The following TBC1D19 variants were observed in gnomAD, a reference collection of about 807,000 sequenced individuals.
TBC1D19 encodes TBC1 domain family member 19, also known as TBC1 domain family, member 19.
Under a neutral mutation model 89.0 loss-of-function variants are expected in TBC1D19, and 60 were observed. The observed-to-expected ratio is 0.67, with a 90% CI of 0.55 to 0.84. TBC1D19 has a LOEUF of 0.84. Ranked by LOEUF, TBC1D19 falls within the 40% of genes least tolerant of loss-of-function variation. The pLI, the probability that TBC1D19 is intolerant of heterozygous loss-of-function variation, is 0.00. For synonymous variants in TBC1D19, 189 were observed against 199.7 expected, an observed-to-expected ratio of 0.95 and a Z score of 0.45; for missense variants, 500 against 610.8, an observed-to-expected ratio of 0.82 and a Z score of 1.91.
chr4:26,766,016 G>T, the TBC1D19 span, among the ~76,000 whole-genome samples: 1 of 152,182 alleles, frequency 6.6e-6, no homozygotes. Flanking sequence ...AGACTTGGGT[G>T]ATGGACTGAC....
intron 16 of TBC1D19, among the ~76,000 whole-genome samples, chr4:26,737,096 T>C (rs935085741): frequency 6.6e-6 from 1 of 152,188 alleles, no homozygotes; most frequent in Non-Finnish European, 1.5e-5. Flanking sequence ...TAAACATCAG[T>C]GTTCAACATC....
chr4:26,653,976 C>G (rs1055785055), intron 7 of TBC1D19, among the ~76,000 whole-genome samples: 2 of 152,162 alleles, frequency 1.3e-5, no homozygotes, highest in African/African-American at 2.4e-5. Context: ...CCTTGATGGT[C>G]TTTACAATTT....
intron 7 of TBC1D19, 117 bp from the exon 8 acceptor site, chr4:26,659,480 G>A (rs1436290700): frequency 3.7e-6 from 2 of 543,220 alleles, no homozygotes; most frequent in Admixed American, 5.9e-5. Flanking sequence ...TAAAGTATGT[G>A]CATCACCCAA....
At chr4:26,858,098 G>T in the TBC1D19 span, 1 of 152,236 alleles carries the variant, frequency 6.6e-6, no homozygotes, top group African/African-American at 2.4e-5. Context: ...TGTGGGGCGG[G>T]CATGGTTGGA....
At chr4:26,806,682 A>T in the TBC1D19 span, among the ~76,000 whole-genome samples, 1 of 152,210 alleles carries the variant, frequency 6.6e-6, no homozygotes, top group Non-Finnish European at 1.5e-5. Flanking sequence ...TTGGAAATAG[A>T]GTCTTTGCAG....
At chr4:26,852,193 C>T in the TBC1D19 span, among the ~76,000 whole-genome samples, 1 of 152,232 alleles carries the variant, frequency 6.6e-6, no homozygotes, top group Non-Finnish European at 1.5e-5. Context: ...CTTCCAGTTG[C>T]TTAAGGTAAA....
chr4:26,779,237 T>C, the TBC1D19 span, among the ~76,000 whole-genome samples: 13 of 152,294 alleles, frequency 8.5e-5, no homozygotes, highest in African/African-American at 1.2e-4. Flanking sequence ...TGTCAATAAA[T>C]ACAAATAGCA....
At chr4:26,781,142 C>G in the TBC1D19 span, among the ~76,000 whole-genome samples, 1 of 152,202 alleles carries the variant, frequency 6.6e-6, no homozygotes, top group Non-Finnish European at 1.5e-5. Flanking sequence ...CCCAGACCTA[C>G]TGAAGCAGAA....
At chr4:26,761,482 T>C in the TBC1D19 span, among the ~76,000 whole-genome samples, 1 of 152,234 alleles carries the variant, frequency 6.6e-6, no homozygotes, top group Non-Finnish European at 1.5e-5. Context: ...TAAACAATGG[T>C]ATTTTATTTC....
At chr4:26,651,739 T>C (rs1043922306) in intron 7 of TBC1D19, among the ~76,000 whole-genome samples, 2 of 152,134 alleles carry the variant, frequency 1.3e-5, no homozygotes, top group Non-Finnish European at 2.9e-5. Flanking sequence ...GCCAGAACTT[T>C]CAACGCTATG....
At chr4:26,855,766 C>T in the TBC1D19 span, among the ~76,000 whole-genome samples, 2 of 152,178 alleles carry the variant, frequency 1.3e-5, no homozygotes, top group African/African-American at 2.4e-5. Flanking sequence ...TAGGTAATTC[C>T]TTTTTAGATA....
At chr4:26,609,300 A>C (rs1741215008) in intron 1 of TBC1D19, among the ~76,000 whole-genome samples, 1 of 152,176 alleles carries the variant, frequency 6.6e-6, no homozygotes, top group Admixed American at 6.5e-5. Flanking sequence ...GGATGCAAAA[A>C]TAAAGACCCA....
At chr4:26,638,108 G>A in intron 5 of TBC1D19, among the ~76,000 whole-genome samples, 1 of 151,988 alleles carries the variant, frequency 6.6e-6, no homozygotes, top group Admixed American at 6.6e-5. Flanking sequence ...GGGCATTGAG[G>A]AGAAAAGATG....
chr4:26,656,958 T>TTTCTTATTCTTCTTCTTCTTC (rs1744864589), intron 7 of TBC1D19, among the ~76,000 whole-genome samples: 1 of 47,798 alleles, frequency 2.1e-5, no homozygotes, highest in Non-Finnish European at 4.1e-5. Flanking sequence ...CCCTGCAATC[T>TTTCTTATTCTTCTTCTTCTTC]TTCTTCTTCT....
At chr4:26,808,870 G>A in the TBC1D19 span, among the ~76,000 whole-genome samples, 2 of 152,140 alleles carry the variant, frequency 1.3e-5, no homozygotes, top group Non-Finnish European at 2.9e-5. Flanking sequence ...TGTGGTCATT[G>A]CTGAGCAGCA....
intron 1 of TBC1D19, among the ~76,000 whole-genome samples, chr4:26,607,357 T>C (rs564225278): frequency 6.6e-6 from 1 of 152,340 alleles, no homozygotes; most frequent in East Asian, 1.9e-4. Context: ...GGACATATTA[T>C]ATTTTATTGC....
intron 8 of TBC1D19, among the ~76,000 whole-genome samples, chr4:26,660,527 C>T (rs894534052): frequency 1.3e-5 from 2 of 152,182 alleles, no homozygotes; most frequent in Non-Finnish European, 2.9e-5. Flanking sequence ...TGGAGCCGGA[C>T]CCTATAAACG....
At chr4:26,658,943 A>C (rs1346751025) in intron 7 of TBC1D19, among the ~76,000 whole-genome samples, 2 of 152,192 alleles carry the variant, frequency 1.3e-5, no homozygotes, top group African/African-American at 4.8e-5. Context: ...TTGTATCCTG[A>C]AACTTTGCTA....
chr4:26,814,869 A>G, the TBC1D19 span, among the ~76,000 whole-genome samples: 3 of 152,216 alleles, frequency 2.0e-5, no homozygotes, highest in East Asian at 3.9e-4. Context: ...AAAATTTCAG[A>G]AAGTTATCTG....
Sources: gnomAD v4.1 joint callset for allele counts (sites outside exome capture counted in the v4.1 genomes callset) on GRCh38, gnomAD v4.1.1 for gene constraint, MANE v1.5 for transcripts, NCBI Gene and HGNC (gene_info 2026-07-23, HGNC 2026-07-21) for gene names.